Variants in ASCC1 observed in about 807,000 individuals in gnomAD.
The protein encoded by ASCC1 is activating signal cointegrator 1 complex subunit 1, also known as ASC-1 complex subunit P50.
ASCC1 carries 35 observed loss-of-function variants against 46.6 expected under a neutral mutation model. The observed-to-expected ratio is 0.75, with a 90% CI of 0.57 to 0.99. The LOEUF (loss-of-function observed/expected upper bound fraction) is 0.99, where lower values mean the gene tolerates loss of function less well. Among genes scored for constraint, ASCC1 ranks in the 50% least tolerant of loss-of-function variants. The pLI is 0.00. For missense variants in ASCC1, 376 were observed against 428.7 expected (o/e 0.88, Z 1.09); for synonymous variants, 143 against 146.6 (o/e 0.98, Z 0.18).
At chr10:72,140,516 A>T (rs535970565) in intron 7 of ASCC1, among the ~76,000 whole-genome samples, 1 of 152,338 alleles carries the variant, frequency 6.6e-6, no homozygotes, top group Admixed American at 6.5e-5. Context: ...AGTGTTTCAT[A>T]ATATCTATAT....
chr10:72,119,144 T>G (rs533887663), intron 9 of ASCC1, among the ~76,000 whole-genome samples: 1 of 152,328 alleles, frequency 6.6e-6, no homozygotes, highest in East Asian at 1.9e-4. Context: ...TGTGGACAAG[T>G]CTAAGAGTTA....
Position 72,172,797 on chromosome 10 carries a change from T to TTA in ASCC1, c.490-11125_490-11124dup. Among the ~76,000 whole-genome samples the TTA allele has an allele frequency of 2.2e-5, 3 of 135,358 alleles. No individual in the cohort carries two copies. In the South Asian group the frequency reaches 6.4e-4, roughly 29 times the overall value. 88.8% of individuals were successfully genotyped at this position (135,358 alleles called of 152,430 possible). Reference sequence around the variant, plus strand: ...TATTTTTTATATTATATATTATATATTATATTTTTATATTATATATAATAT... The same window carrying TTA: ...TATTTTTTATATTATATATTATATATTATATATTTTTATATTATATATAATAT... On this transcript the variant is annotated intron_variant, in intron 5 of 9. Transcript: ENST00000672957.
intron 5 of ASCC1, among the ~76,000 whole-genome samples, chr10:72,180,092 C>T (rs1207942542): frequency 6.6e-6 from 1 of 151,860 alleles, no homozygotes; most frequent in Non-Finnish European, 1.5e-5. Context: ...GCCTGGCCAA[C>T]ATGGTGAAAC....
chr10:72,141,882 AT>A (rs746944696), intron 7 of ASCC1, among the ~76,000 whole-genome samples: 13 of 152,166 alleles, frequency 8.5e-5, no homozygotes, highest in Non-Finnish European at 1.8e-4. Flanking sequence ...TTTTACAAGT[AT>A]TTTTAGTAGA....
chr10:72,172,961 T>G (rs893870284), intron 5 of ASCC1, among the ~76,000 whole-genome samples: 16 of 140,280 alleles, frequency 1.1e-4, no homozygotes, highest in African/African-American at 7.8e-5. Flanking sequence ...ATTTTATATT[T>G]TTATATATGT....
chr10:72,130,070 ATAT>A (rs1270460479), intron 8 of ASCC1, among the ~76,000 whole-genome samples: 2 of 152,036 alleles, frequency 1.3e-5, no homozygotes, highest in Admixed American at 1.3e-4. Flanking sequence ...AGCCTTGAAA[ATAT>A]TATGCTAAGT....
chr10:72,214,523 C>T (rs1470680729), intron 1 of ASCC1, among the ~76,000 whole-genome samples: 1 of 151,766 alleles, frequency 6.6e-6, no homozygotes, highest in African/African-American at 2.4e-5. Context: ...TTACAGGCCC[C>T]TGCCACCACC....
chr10:72,113,405 T>C (rs2132044589), intron 9 of ASCC1, among the ~76,000 whole-genome samples: 2 of 152,340 alleles, frequency 1.3e-5, no homozygotes, highest in East Asian at 3.9e-4. Flanking sequence ...GGAAGGTGCA[T>C]CTTCCCAGAA....
chr10:72,114,132 T>C (rs117570347), intron 9 of ASCC1, among the ~76,000 whole-genome samples: 3 of 152,212 alleles, frequency 2.0e-5, no homozygotes, highest in South Asian at 2.1e-4. Context: ...AGAATTAATT[T>C]TGGATGTATT....
At chr10:72,162,271 T>C (rs1157681858) in intron 5 of ASCC1, among the ~76,000 whole-genome samples, 3 of 152,034 alleles carry the variant, frequency 2.0e-5, no homozygotes, top group Non-Finnish European at 4.4e-5. Flanking sequence ...CCTGAGTTCA[T>C]GCCATTCTCC....
At chr10:72,206,646 G>T (rs1381816591) in intron 3 of ASCC1, among the ~76,000 whole-genome samples, 2 of 152,054 alleles carry the variant, frequency 1.3e-5, no homozygotes, top group Non-Finnish European at 2.9e-5. Flanking sequence ...GATCTAAAAG[G>T]AATTATGTGT....
At chr10:72,180,522 T>A (rs887518202) in intron 5 of ASCC1, among the ~76,000 whole-genome samples, 8 of 151,470 alleles carry the variant, frequency 5.3e-5, no homozygotes, top group Non-Finnish European at 1.2e-4. Flanking sequence ...GCTACTCAGG[T>A]GGCTGAGGCA....
intron 3 of ASCC1, 48 bp from the exon 4 acceptor site, chr10:72,203,572 A>G (rs773596114): frequency 3.1e-5 from 41 of 1,302,814 alleles, no homozygotes; most frequent in African/African-American, 7.3e-5. Flanking sequence ...ATGTACCAAA[A>G]TAAAGAACCT....
At chr10:72,140,570 G>T (rs564206907) in intron 7 of ASCC1, among the ~76,000 whole-genome samples, 3 of 152,244 alleles carry the variant, frequency 2.0e-5, no homozygotes, top group Admixed American at 6.5e-5. Flanking sequence ...TCACAAGAAT[G>T]AACTGCAGAA....
intron 9 of ASCC1, among the ~76,000 whole-genome samples, chr10:72,118,735 C>G (rs1054561266): frequency 6.6e-6 from 1 of 150,970 alleles, no homozygotes; most frequent in Non-Finnish European, 1.5e-5. Flanking sequence ...GCCAAGATCG[C>G]ACCATTGCAC....
At chr10:72,198,568 G>A (rs546953383) in intron 4 of ASCC1, 52 of 455,696 alleles carry the variant, frequency 1.1e-4, no homozygotes, top group African/African-American at 9.8e-4. Flanking sequence ...AGGTGGAGAA[G>A]CTTCTGATGT....
chr10:72,201,812 T>C (rs117797221), intron 4 of ASCC1, among the ~76,000 whole-genome samples: 501 of 152,200 alleles, frequency 3.3e-3, no homozygotes, highest in Admixed American at 5.6e-3. Context: ...TGGTGGCGTG[T>C]TCCTGTAGAC....
At chr10:72,143,941 C>T (rs1363632078) in intron 7 of ASCC1, among the ~76,000 whole-genome samples, 1 of 151,672 alleles carries the variant, frequency 6.6e-6, no homozygotes, top group Non-Finnish European at 1.5e-5. Context: ...GTAAAATGAA[C>T]CCTTTATCAT....
chr10:72,196,994 A>G lies in ASCC1; in HGVS notation c.311-5T>C, dbSNP rs759907999. The G allele has an allele frequency of 6.2e-7, 1 of 1,613,552 alleles. No homozygotes were observed. Among genetic ancestry groups the G allele is most frequent in the Non-Finnish European group, 8.5e-7 (1 of 1,179,978 alleles). On this transcript the variant is annotated splice_region_variant and splice_polypyrimidine_tract_variant and intron_variant, in intron 4 of 9. Transcript: ENST00000672957. ...TTCGATGCTGGCCAGTGATTACTGT[A>G]AACAAAGAAGAAAGGGTAAACTGCT...
Sources: allele counts gnomAD v4.1 joint callset (sites outside exome capture counted in the v4.1 genomes callset), GRCh38; gene constraint gnomAD v4.1.1; transcripts MANE v1.5; gene names NCBI Gene and HGNC (gene_info 2026-07-23, HGNC 2026-07-21).